Variants in FRMPD4 observed in about 807,000 individuals in gnomAD.
FRMPD4 encodes FERM and PDZ domain containing 4.
FRMPD4 carries 22 observed loss-of-function variants against 94.1 expected under a neutral mutation model. The ratio of observed to expected loss-of-function variants is 0.23; its 90% CI spans 0.17 to 0.33. The LOEUF is 0.33. Among genes scored for constraint, FRMPD4 ranks in the 10% least tolerant of loss-of-function variants. The pLI is 1.00. For missense variants in FRMPD4, 1,111 were observed against 1,339.9 expected (o/e 0.83, Z 2.67); for synonymous variants, 631 against 548.6 (o/e 1.15, Z -2.10).
At chrX:12,039,689 G>C (rs1166559012) in intron 3 of FRMPD4, among the ~76,000 whole-genome samples, 1 of 110,614 alleles carries the variant, frequency 9.0e-6, no homozygotes, top group Non-Finnish European at 1.9e-5. Flanking sequence ...AACATGTAAG[G>C]CTGGATACGG....
intron 1 of FRMPD4, among the ~76,000 whole-genome samples, chrX:12,463,603 T>C (rs760478074): frequency 9.2e-6 from 1 of 108,729 alleles, no homozygotes; most frequent in Non-Finnish European, 1.9e-5. Context: ...CTATAGTGGA[T>C]CACATCTTAT....
chrX:12,326,957 G>C (rs1313792752), intron 1 of FRMPD4, among the ~76,000 whole-genome samples: 2 of 110,459 alleles, frequency 1.8e-5, no homozygotes, highest in African/African-American at 3.3e-5. Flanking sequence ...GTAAGACCCT[G>C]CATCAAAAAA....
chrX:12,091,907 T>C (rs941166192), intron 3 of FRMPD4, among the ~76,000 whole-genome samples: 7 of 111,668 alleles, frequency 6.3e-5, no homozygotes, highest in Admixed American at 2.9e-4. Context: ...AGAATGATGG[T>C]ACTCCTCTTA....
chrX:12,532,027 T>C (rs965154894), intron 2 of FRMPD4, among the ~76,000 whole-genome samples: 5 of 112,181 alleles, frequency 4.5e-5, no homozygotes, highest in Non-Finnish European at 9.4e-5. Context: ...CCCCATTTTT[T>C]GAGTAAGAAT....
At position 12,717,028 on chromosome X, in the gene FRMPD4, G is replaced by A. The variant is rs368784263; in HGVS notation, c.2569G>A (p.Ala857Thr). 4.7e-5 allele frequency: 57 copies of A among 1,208,862 alleles called. No homozygotes were observed. Among genetic ancestry groups the A allele is most frequent in the East Asian group, 2.1e-4 (7 of 33,773 alleles). ...CCTCATTGACGCTGTGCCCACCAGC[G>A]CCGAAGGCAAGTGTGAGAAGGGACT... ...VSLIDAVPTS[A>T]EGKCEKGLDN... is the part of the protein sequence containing the mutation. The change falls in exon 15 of 17, where the codon GCC becomes ACC. Residue 857 changes from alanine (A) to threonine (T), a missense_variant. Transcript: ENST00000675598.
intron 2 of FRMPD4, among the ~76,000 whole-genome samples, chrX:12,599,675 C>G (rs2059066534): frequency 8.9e-6 from 1 of 111,763 alleles, no homozygotes; most frequent in African/African-American, 3.3e-5. Flanking sequence ...CTGTGGTGAG[C>G]TTTGTGATAT....
At chrX:11,847,923 C>G (rs2053589307) in intron 1 of FRMPD4, among the ~76,000 whole-genome samples, 1 of 100,476 alleles carries the variant, frequency 1.0e-5, no homozygotes, top group African/African-American at 3.7e-5. Context: ...AGGAGATATA[C>G]CTAATGCTAA....
At chrX:12,341,702 T>C (rs1202794722) in intron 1 of FRMPD4, 1 of 308,738 alleles carries the variant, frequency 3.2e-6, no homozygotes, top group Non-Finnish European at 6.3e-6. Context: ...TTCTATTACA[T>C]TTGATTTTTG....
chrX:11,994,086 C>T (rs2054482196), intron 3 of FRMPD4, among the ~76,000 whole-genome samples: 1 of 111,023 alleles, frequency 9.0e-6, no homozygotes, highest in Admixed American at 9.5e-5. Context: ...CCCCAGAAGA[C>T]ATTTGGCAGT....
chrX:12,305,380 C>T (rs1419445730), intron 1 of FRMPD4, among the ~76,000 whole-genome samples: 1 of 111,494 alleles, frequency 9.0e-6, no homozygotes, highest in Admixed American at 9.5e-5. Flanking sequence ...TCTCAGGTGA[C>T]AGGCAAGTGG....
intron 1 of FRMPD4, among the ~76,000 whole-genome samples, chrX:12,477,451 T>C (rs1236987118): frequency 8.9e-6 from 1 of 112,147 alleles, no homozygotes; most frequent in Admixed American, 9.4e-5. Context: ...ACTTAAAGTA[T>C]AATAATAGTA....
At chrX:12,119,074 G>A (rs762046942) in intron 3 of FRMPD4, among the ~76,000 whole-genome samples, 2 of 110,480 alleles carry the variant, frequency 1.8e-5, no homozygotes, top group Non-Finnish European at 3.8e-5. Flanking sequence ...GTTTGAGAGT[G>A]GCGCTTTACC....
At chrX:12,111,654 T>A (rs773845314) in intron 3 of FRMPD4, among the ~76,000 whole-genome samples, 1 of 111,066 alleles carries the variant, frequency 9.0e-6, no homozygotes, top group Non-Finnish European at 1.9e-5. Context: ...TGGGAGAAAA[T>A]TTTTGCAAAC....
chrX:12,087,951 C>T (rs758324132), intron 3 of FRMPD4, among the ~76,000 whole-genome samples: 21 of 112,115 alleles, frequency 1.9e-4, no homozygotes, highest in Middle Eastern at 4.6e-3. Flanking sequence ...TTGCTGCAGG[C>T]GTATACATTT....
intron 1 of FRMPD4, among the ~76,000 whole-genome samples, chrX:12,283,214 G>C (rs1018646343): frequency 7.9e-5 from 9 of 113,230 alleles, no homozygotes; most frequent in Admixed American, 1.9e-4. Flanking sequence ...ATCTGGTGCT[G>C]TGAGGACCGA....
intron 7 of FRMPD4, among the ~76,000 whole-genome samples, chrX:12,689,113 CA>C (rs1052761785): frequency 9.0e-6 from 1 of 111,339 alleles, no homozygotes; most frequent in African/African-American, 3.3e-5. Flanking sequence ...TGCACTGGGG[CA>C]AAACTTCCCT....
intron 4 of FRMPD4, among the ~76,000 whole-genome samples, chrX:12,621,984 AAG>A (rs1208426722): frequency 2.9e-5 from 1 of 34,225 alleles, no homozygotes; most frequent in African/African-American, 1.9e-4. Flanking sequence ...GAAAGAAAGA[AAG>A]AAAGAAAGAA....
At chrX:12,503,349 T>A (rs1347436846) in intron 2 of FRMPD4, among the ~76,000 whole-genome samples, 1 of 111,670 alleles carries the variant, frequency 9.0e-6, no homozygotes, top group African/African-American at 3.3e-5. Flanking sequence ...AGTAGCCCTG[T>A]ATGAGGATTG....
intron 5 of FRMPD4, among the ~76,000 whole-genome samples, chrX:12,675,621 A>T (rs764349134): frequency 9.0e-6 from 1 of 111,362 alleles, no homozygotes; most frequent in South Asian, 3.8e-4. Context: ...TGCCACACTC[A>T]GTCCTAGGCA....
Sources: gnomAD v4.1 joint callset for allele counts (sites outside exome capture counted in the v4.1 genomes callset) on GRCh38, gnomAD v4.1.1 for gene constraint, MANE v1.5 for transcripts, NCBI Gene and HGNC (gene_info 2026-07-23, HGNC 2026-07-21) for gene names.